Variants in RLBP1 observed in about 807,000 individuals in gnomAD.
RLBP1 encodes the protein retinaldehyde binding protein 1.
A neutral mutation model predicts 36.2 loss-of-function variants in RLBP1; 26 were observed. The ratio of observed to expected loss-of-function variants is 0.72; its 90% CI spans 0.53 to 1.00. RLBP1 has a LOEUF of 1.00. Among genes scored for constraint, RLBP1 ranks in the 50% least tolerant of loss-of-function variants. The pLI, the probability that RLBP1 is intolerant of heterozygous loss-of-function variation, is 0.00. For missense variants in RLBP1, 410 were observed against 402.4 expected (o/e 1.02, Z -0.16); for synonymous variants, 155 against 156.2 (o/e 0.99, Z 0.06).
Position 89,217,141 on chromosome 15 carries a change from G to A in RLBP1, c.325C>T (p.Arg109Cys). 6.2e-7 allele frequency: 1 copy of A among 1,614,048 alleles called. No homozygotes were observed. The highest frequency in any genetic ancestry group is 8.5e-7 in the Non-Finnish European group (1 of 1,180,000). Residue 109 changes from arginine (R) to cysteine (C), a missense_variant, in exon 5 of 9, where the codon CGT becomes TGT. Transcript: ENST00000268125. ...TCACCTCTGAGCAGCTCATAGGCACGGCCCACGTTGAACTTCCGTGCGCGG... is the reference window on the plus strand; with the variant it reads ...TCACCTCTGAGCAGCTCATAGGCACAGCCCACGTTGAACTTCCGTGCGCGG... ...FIRARKFNVG[R>C]AYELLRGYVN... is the part of the protein sequence containing the mutation.
rs143121722 is a variant in RLBP1, at chr15:89,217,162, C to T, written c.304G>A (p.Ala102Thr). The T allele has an allele frequency of 1.0e-4, 167 of 1,613,964 alleles. No individual in the cohort carries two copies. The highest frequency in any genetic ancestry group is 1.3e-4 in the Non-Finnish European group (150 of 1,180,040). Reference protein sequence around the residue: ...DSGFFLRFIRARKFNVGRAYE... With the variant: ...DSGFFLRFIRTRKFNVGRAYE... ...GCACGGCCCACGTTGAACTTCCGTG[C>T]GCGGATGAAGCGCAGGAAGAAGCCG... Residue 102 changes from alanine to threonine, a missense_variant, in exon 5 of 9, where the codon GCA becomes ACA. Transcript: ENST00000268125.
chr15:89,219,148 T>G (rs2051607324), intron 2 of RLBP1, 73 bp from the exon 3 acceptor site: 1 of 759,442 alleles, frequency 1.3e-6, no homozygotes, highest in Non-Finnish European at 2.3e-6. Context: ...TGCATCAGAA[T>G]CACCCGAGGC....
At chr15:89,212,130 A>G (rs2051543452) in intron 6 of RLBP1, among the ~76,000 whole-genome samples, 1 of 152,246 alleles carries the variant, frequency 6.6e-6, no homozygotes, top group African/African-American at 2.4e-5. Flanking sequence ...TAGTGGGAAC[A>G]TTGGAGACAA....
In RLBP1 at chr15:89,215,069, G is replaced by A; in HGVS notation, c.516C>T (p.Thr172=). Residue 172 remains threonine (T), a synonymous_variant, in exon 6 of 9, where the codon ACC becomes ACT. Coordinates refer to ENST00000268125, the MANE Select transcript of RLBP1 (RefSeq NM_000326.5). ...NIENWQSQEI[T]FDEILQAYCF... ...GCGAGCCCCCACTAACCTCATCAAA[G>A]GTGATTTCTTGACTTTGCCAGTTCT... The A allele has an allele frequency of 3.7e-6, 6 of 1,614,176 alleles. No individual in the cohort carries two copies. Among genetic ancestry groups the A allele is most frequent in the Non-Finnish European group, 5.1e-6 (6 of 1,180,030 alleles).
At chr15:89,213,085 A>G (rs1450004182) in intron 6 of RLBP1, among the ~76,000 whole-genome samples, 5 of 152,312 alleles carry the variant, frequency 3.3e-5, no homozygotes, top group Non-Finnish European at 7.3e-5. Flanking sequence ...ATAAGAAAAA[A>G]CATATATTTA....
intron 6 of RLBP1, among the ~76,000 whole-genome samples, chr15:89,213,358 T>C (rs1028700202): frequency 1.3e-4 from 20 of 151,888 alleles, no homozygotes; most frequent in Admixed American, 1.2e-3. Context: ...TATTATAGTA[T>C]ACTTAGAAAA....
In RLBP1 at chr15:89,218,681, G is replaced by A. The variant is rs775252439; in HGVS notation, c.25C>T (p.Arg9Cys). The part of the protein sequence containing the change: MSEGVGTF[R>C]MVPEEEQELR... ...TCCTGTTCCTCTTCAGGTACCATGC[G>A]GAACGTGCCCACCTGGGCAGAGAAA... Residue 9 changes from arginine to cysteine, a missense_variant, in exon 4 of 9, where the codon CGC becomes TGC. By Grantham distance (180) the Arg-to-Cys change is radical. Transcript: ENST00000268125. The surrounding 1 kb of genome is among the most constrained non-coding windows in gnomAD (Gnocchi z 4.6). 64 of 1,614,038 alleles carry A rather than the reference G, an allele frequency of 4.0e-5. No individual in the cohort carries two copies. The highest frequency in any genetic ancestry group is 5.1e-5 in the Non-Finnish European group (60 of 1,180,046).
At position 89,210,666 on chromosome 15, in the gene RLBP1, T is replaced by C. The variant is rs530126740; in HGVS notation, c.795+33A>G. On this transcript the variant is annotated intron_variant, in intron 8 of 8. Transcript: ENST00000268125. The surrounding 1 kb of genome is among the most constrained non-coding windows in gnomAD (Gnocchi z 4.7). ...AGGTGAGGCCCCACCCTCAGCCCTC[T>C]TGTCTCATTGTCTGGGCGGCCCACG... 4.8e-5 allele frequency: 71 copies of C among 1,474,974 alleles called. No homozygotes were observed. The East Asian group carries it at 8.4e-4, about 17-fold the overall frequency. 91.4% of individuals were successfully genotyped at this position (1,474,974 alleles called of 1,614,324 possible).
rs2150971203 is a variant in RLBP1 at position 89,217,184 on chromosome 15, G to A, written c.282C>T (p.Gly94=). The A allele has an allele frequency of 3.1e-6, 5 of 1,613,978 alleles. No individual in the cohort carries two copies. Among genetic ancestry groups the A allele is most frequent in the Non-Finnish European group, 4.2e-6 (5 of 1,180,032 alleles). ...GTGCGCGGATGAAGCGCAGGAAGAA[G>A]CCGCTGTCCTTCTCTTGCACCCTCT... The part of the protein sequence containing the change: ...VAERVQEKDS[G]FFLRFIRARK... The change falls in exon 5 of 9, where the codon GGC becomes GGT. Residue 94 remains glycine (G), a synonymous_variant. Coordinates refer to ENST00000268125, the MANE Select transcript of RLBP1 (RefSeq NM_000326.5).
In RLBP1 at chr15:89,214,507, T is replaced by C. The variant is rs1035452672; in HGVS notation, c.525+553A>G. 2.6e-5 allele frequency among the ~76,000 whole-genome samples: 4 copies of C among 151,934 alleles called. No homozygotes were observed. The highest frequency in any genetic ancestry group is 9.7e-5 in the African/African-American group (4 of 41,376). ...AAATAAGTTTGTAGCAGTTTTTTTTTTAAATTAAAGGAATCTTTTTCAGGC... is the reference window on the plus strand; with the variant it reads ...AAATAAGTTTGTAGCAGTTTTTTTTCTAAATTAAAGGAATCTTTTTCAGGC... On this transcript the variant is annotated intron_variant, in intron 6 of 8. Coordinates refer to ENST00000268125, the MANE Select transcript of RLBP1 (RefSeq NM_000326.5). This position sits in a 1 kb window ranked among gnomAD's most constrained non-coding sequence, Gnocchi z 4.6.
In RLBP1 at chr15:89,218,989, GAC is replaced by G. The variant is rs1233672562; in HGVS notation, c.-16_-15del. 2 of 1,614,030 alleles carry G rather than the reference GAC, an allele frequency of 1.2e-6. No homozygotes were observed. Among genetic ancestry groups the G allele is most frequent in the African/African-American group, 2.7e-5 (2 of 74,940 alleles). On this transcript the variant is annotated 5_prime_UTR_variant, in exon 3 of 9. Transcript: ENST00000268125. This position sits in a 1 kb window ranked among gnomAD's most constrained non-coding sequence, Gnocchi z 4.6. ...CCCTTCTGACATGTTGCCTATGGAA[GAC>G]ACAGAGTCCTTGGAAAAAGAAGGGA...
rs2051529219 is a variant in RLBP1, at chr15:89,210,582, T to C, written c.795+117A>G. ...CGACACCTCTCTCCGCAGGTCTCCA[T>C]GTTGGGTGTCAGTGGGATCCACATA... On this transcript the variant is annotated intron_variant, in intron 8 of 8. Transcript: ENST00000268125. This position sits in a 1 kb window ranked among gnomAD's most constrained non-coding sequence, Gnocchi z 4.7. 4 of 1,241,008 alleles carry C rather than the reference T, an allele frequency of 3.2e-6. No individual in the cohort carries two copies. The highest frequency in any genetic ancestry group is 1.3e-5 in the South Asian group (1 of 78,412). The allele number at this position is 1,241,008 out of a possible 1,614,324, so 76.9% of individuals were successfully genotyped here. A position where few individuals can be genotyped will look rare whatever the true frequency, so the allele number is the denominator to read the frequency against.
At chr15:89,219,987 C>G (rs1359009953) in intron 1 of RLBP1, 128 bp from the exon 2 acceptor site, 4 of 152,262 alleles carry the variant, frequency 2.6e-5, no homozygotes, top group African/African-American at 9.6e-5. Context: ...GGAGACAGCT[C>G]TTCTGTTTCC....
intron 1 of RLBP1, among the ~76,000 whole-genome samples, chr15:89,221,226 C>T (rs1336799153): frequency 6.6e-6 from 1 of 152,154 alleles, no homozygotes; most frequent in Non-Finnish European, 1.5e-5. Context: ...CCAGGCTGGT[C>T]TCGAACTCCT....
At chr15:89,216,846 A>T (rs919230331) in intron 5 of RLBP1, among the ~76,000 whole-genome samples, 2 of 152,200 alleles carry the variant, frequency 1.3e-5, no homozygotes, top group African/African-American at 4.8e-5. Flanking sequence ...TCGTCACCCA[A>T]ATGGGGTACC....
rs1383157063 is a variant in RLBP1 at position 89,210,022 on chromosome 15, C to G, written c.*263G>C. 5.7e-6 allele frequency: 3 copies of G among 526,080 alleles called. No individual in the cohort carries two copies. In the South Asian group the frequency reaches 6.7e-5, roughly 12 times the overall value. 32.6% of individuals were successfully genotyped at this position (526,080 alleles called of 1,614,324 possible). ...ATGAATTCGAGTCTTTGAAATACAA[C>G]CTTACACAAAAATCACTGTCTTAAA... On this transcript the variant is annotated 3_prime_UTR_variant, in exon 9 of 9. Coordinates refer to ENST00000268125, the MANE Select transcript of RLBP1 (RefSeq NM_000326.5). The surrounding 1 kb of genome is among the most constrained non-coding windows in gnomAD (Gnocchi z 4.7).
chr15:89,211,945 A>G lies in RLBP1; in HGVS notation c.526-44T>C. 1.2e-6 allele frequency: 2 copies of G among 1,609,002 alleles called. No individual in the cohort carries two copies. Among genetic ancestry groups the G allele is most frequent in the Non-Finnish European group, 1.7e-6 (2 of 1,176,352 alleles). ...AGGCTGTAAGATCTAACCCGCAACAATAATTAAGGCTTGAGGTCCTGAGGG... is the reference window on the plus strand; with the variant it reads ...AGGCTGTAAGATCTAACCCGCAACAGTAATTAAGGCTTGAGGTCCTGAGGG... On this transcript the variant is annotated intron_variant, in intron 6 of 8. Transcript: ENST00000268125. This position sits in a 1 kb window ranked among gnomAD's most constrained non-coding sequence, Gnocchi z 5.8.
intron 1 of RLBP1, among the ~76,000 whole-genome samples, chr15:89,220,340 G>A (rs2051616240): frequency 6.6e-6 from 1 of 152,136 alleles, no homozygotes; most frequent in African/African-American, 2.4e-5. Flanking sequence ...GCAAACTGAG[G>A]ATAATAACAG....
At position 89,214,264 on chromosome 15, in the gene RLBP1, C is replaced by T. The variant is rs2854519; in HGVS notation, c.525+796G>A. Among the ~76,000 whole-genome samples, 55,554 of 151,838 alleles carry T rather than the reference C, an allele frequency of 0.37. 10,820 individuals carry two copies. Among genetic ancestry groups the T allele is most frequent in the East Asian group, 0.66 (3,397 of 5,130 alleles). On this transcript the variant is annotated intron_variant, in intron 6 of 8. Coordinates refer to ENST00000268125, the MANE Select transcript of RLBP1 (RefSeq NM_000326.5). This position sits in a 1 kb window ranked among gnomAD's most constrained non-coding sequence, Gnocchi z 4.6. ...TCACTTGAGCTCAGGAGTTTGAGAC[C>T]AGCCTGGCCAACATGGTGAAACCCC...
Sources: allele counts gnomAD v4.1 joint callset (sites outside exome capture counted in the v4.1 genomes callset), GRCh38; gene constraint gnomAD v4.1.1; non-coding constraint Gnocchi (gnomAD v3.1); transcripts MANE v1.5; gene names NCBI Gene and HGNC (gene_info 2026-07-23, HGNC 2026-07-21).